LRRC4C: variants seen among roughly 807,000 people sequenced by gnomAD.
The protein encoded by LRRC4C is leucine-rich repeat-containing protein 4C.
In LRRC4C, 5 loss-of-function variants were observed where a neutral mutation model predicts 33.6. The ratio of observed to expected loss-of-function variants is 0.15; its 90% CI spans 0.08 to 0.31. LRRC4C has a LOEUF of 0.31. LRRC4C is among the 10% of genes least tolerant of loss of function. LRRC4C has a pLI of 1.00. For missense variants in LRRC4C, 560 were observed against 796.7 expected (o/e 0.70, Z 3.58); for synonymous variants, 329 against 302.0 (o/e 1.09, Z -0.93).
At chr11:41,291,464 T>C (rs1000982405) in intron 1 of LRRC4C, among the ~76,000 whole-genome samples, 1 of 152,194 alleles carries the variant, frequency 6.6e-6, no homozygotes, top group Admixed American at 6.5e-5. Flanking sequence ...AAAATCTCTA[T>C]ATATAACATG....
At chr11:40,416,135 C>T (rs531967601) in intron 3 of LRRC4C, among the ~76,000 whole-genome samples, 1 of 152,174 alleles carries the variant, frequency 6.6e-6, no homozygotes, top group East Asian at 1.9e-4. Flanking sequence ...GAGGGAAAAC[C>T]TTCATAATTC....
intron 2 of LRRC4C, among the ~76,000 whole-genome samples, chr11:40,827,746 G>C (rs1398824527): frequency 6.6e-6 from 1 of 151,754 alleles, no homozygotes; most frequent in Non-Finnish European, 1.5e-5. Flanking sequence ...GGGTGCATGT[G>C]TGTACATGTA....
chr11:41,123,082 A>C (rs1270669219), intron 1 of LRRC4C: 1 of 151,998 alleles, frequency 6.6e-6, no homozygotes, highest in Non-Finnish European at 1.5e-5. Flanking sequence ...GAGATCATCC[A>C]ATAAAAACTC....
Position 40,529,382 on chromosome 11 carries a change from G to A in LRRC4C, c.-270+118760C>T, listed in dbSNP as rs369937186. On this transcript the variant is annotated intron_variant, in intron 3 of 6. Transcript: ENST00000528697. ...AGAAATTGAAAGGACTTAAGACTGA[G>A]CCTTGAGAAATTTCAACAGTGAATG... Among the ~76,000 whole-genome samples, 5 of 152,128 alleles carry A rather than the reference G, an allele frequency of 3.3e-5. No homozygotes were observed. In the East Asian group the frequency reaches 5.8e-4, roughly 18 times the overall value.
At chr11:41,033,785 T>C (rs973176368) in intron 1 of LRRC4C, among the ~76,000 whole-genome samples, 12 of 152,092 alleles carry the variant, frequency 7.9e-5, no homozygotes, top group Non-Finnish European at 7.4e-5. Flanking sequence ...AATACAATAT[T>C]TGAAATAAAA....
chr11:40,777,559 C>G (rs1184442543), intron 2 of LRRC4C, among the ~76,000 whole-genome samples: 5 of 149,236 alleles, frequency 3.4e-5, no homozygotes, highest in African/African-American at 4.9e-5. Flanking sequence ...GAATAGTGGC[C>G]CTTCCTCTTT....
At chr11:41,417,590 A>C (rs529521638) in intron 1 of LRRC4C, among the ~76,000 whole-genome samples, 1 of 152,080 alleles carries the variant, frequency 6.6e-6, no homozygotes, top group South Asian at 2.1e-4. Flanking sequence ...AGATCAGCAA[A>C]TTAGCACAGG....
intron 2 of LRRC4C, among the ~76,000 whole-genome samples, chr11:40,745,063 A>G (rs758646405): frequency 3.2e-4 from 49 of 152,196 alleles, no homozygotes; most frequent in Non-Finnish European, 6.2e-4. Context: ...GTAAAGTATT[A>G]CTGTAAGCCA....
chr11:41,034,936 G>A (rs558155261), intron 1 of LRRC4C, among the ~76,000 whole-genome samples: 7 of 149,694 alleles, frequency 4.7e-5, no homozygotes, highest in South Asian at 2.1e-4. Flanking sequence ...TTTGGGGGTC[G>A]TTGGTATTTT....
At chr11:40,486,228 C>T (rs1190962563) in intron 3 of LRRC4C, among the ~76,000 whole-genome samples, 1 of 149,674 alleles carries the variant, frequency 6.7e-6, no homozygotes, top group African/African-American at 2.5e-5. Flanking sequence ...GGCCTTCTGA[C>T]AGGATGAAAA....
chr11:41,104,686 A>G (rs1163381668), intron 1 of LRRC4C, among the ~76,000 whole-genome samples: 10 of 152,008 alleles, frequency 6.6e-5, no homozygotes, highest in Non-Finnish European at 1.3e-4. Context: ...CAGTATTTAT[A>G]ATAGCTAAAA....
chr11:40,508,826 T>C (rs1208437273), intron 3 of LRRC4C, among the ~76,000 whole-genome samples: 2 of 152,206 alleles, frequency 1.3e-5, no homozygotes, highest in Non-Finnish European at 2.9e-5. Flanking sequence ...ATTGTTCAAC[T>C]GTTGGCTTAA....
At chr11:41,080,629 A>G (rs1003427071) in intron 1 of LRRC4C, among the ~76,000 whole-genome samples, 1 of 152,180 alleles carries the variant, frequency 6.6e-6, no homozygotes, top group Non-Finnish European at 1.5e-5. Flanking sequence ...CTGGGATTAC[A>G]GGCATGAGCC....
chr11:41,314,462 TATA>T (rs1306925877), intron 1 of LRRC4C, among the ~76,000 whole-genome samples: 1 of 152,192 alleles, frequency 6.6e-6, no homozygotes, highest in Non-Finnish European at 1.5e-5. Context: ...AATTTAAGTG[TATA>T]ATAATAATGC....
At chr11:40,753,452 T>A (rs557843391) in intron 2 of LRRC4C, among the ~76,000 whole-genome samples, 2 of 151,384 alleles carry the variant, frequency 1.3e-5, no homozygotes, top group Non-Finnish European at 2.9e-5. Context: ...AACCAATATA[T>A]GCTTATATTG....
intron 1 of LRRC4C, among the ~76,000 whole-genome samples, chr11:41,068,158 C>T (rs1379693169): frequency 5.9e-5 from 9 of 152,056 alleles, no homozygotes; most frequent in East Asian, 1.9e-4. Flanking sequence ...TTTGGGAGGC[C>T]GAGGCAGGCA....
At chr11:41,330,825 G>T (rs1951271478) in intron 1 of LRRC4C, among the ~76,000 whole-genome samples, 1 of 151,804 alleles carries the variant, frequency 6.6e-6, no homozygotes, top group African/African-American at 2.4e-5. Context: ...ATGTACACTA[G>T]TCCCCAATCT....
Position 40,778,698 on chromosome 11 carries a change from G to A in LRRC4C, c.-406-130420C>T, listed in dbSNP as rs551439678. On this transcript the variant is annotated intron_variant, in intron 2 of 6. Coordinates refer to ENST00000528697, the MANE Select transcript of LRRC4C (RefSeq NM_001258419.2). ...AAGTCTCCTTGAGGGAGCTGCATTTGAAATGAGATCAGAGTGACAAGAATG... is the reference window on the plus strand; with the variant it reads ...AAGTCTCCTTGAGGGAGCTGCATTTAAAATGAGATCAGAGTGACAAGAATG... Among the ~76,000 whole-genome samples, 186 of 152,304 alleles carry A rather than the reference G, an allele frequency of 1.2e-3. 1 individual carries two copies. The highest frequency in any genetic ancestry group is 2.2e-3 in the Non-Finnish European group (150 of 68,012).
At chr11:41,335,154 T>C (rs1272898476) in intron 1 of LRRC4C, among the ~76,000 whole-genome samples, 1 of 152,224 alleles carries the variant, frequency 6.6e-6, no homozygotes, top group Non-Finnish European at 1.5e-5. Context: ...CCATCACTTA[T>C]TGATAACTGA....
Sources: gnomAD v4.1 joint callset for allele counts (sites outside exome capture counted in the v4.1 genomes callset) on GRCh38, gnomAD v4.1.1 for gene constraint, MANE v1.5 for transcripts, NCBI Gene and HGNC (gene_info 2026-07-23, HGNC 2026-07-21) for gene names.